Variants in GPC5 observed in about 807,000 individuals in gnomAD.
GPC5 encodes the protein glypican 5.
A neutral mutation model predicts 53.9 loss-of-function variants in GPC5; 47 were observed. The observed-to-expected ratio is 0.87, with a 90% CI of 0.69 to 1.11. The LOEUF is 1.11. Among genes scored for constraint, GPC5 ranks in the 50% most tolerant of loss-of-function variants. The probability of loss-of-function intolerance (pLI) is 0.00; values close to 1 mark genes in which losing one functional copy is unlikely to be tolerated. For synonymous variants in GPC5, 286 were observed against 263.3 expected, an observed-to-expected ratio of 1.09 and a Z score of -0.84; for missense variants, 748 against 713.1, an observed-to-expected ratio of 1.05 and a Z score of -0.56.
At chr13:92,506,195 T>A (rs961397315) in intron 7 of GPC5, among the ~76,000 whole-genome samples, 1 of 152,118 alleles carries the variant, frequency 6.6e-6, no homozygotes, top group Non-Finnish European at 1.5e-5. Flanking sequence ...GCTTGGAAGA[T>A]GAGCTGCATG....
At chr13:91,906,154 T>C (rs1196655105) in intron 5 of GPC5, among the ~76,000 whole-genome samples, 1 of 152,026 alleles carries the variant, frequency 6.6e-6, no homozygotes, top group Non-Finnish European at 1.5e-5. Context: ...TTTCCACCAT[T>C]TGTACTCTCT....
chr13:91,717,157 A>G (rs2036356162), intron 3 of GPC5, among the ~76,000 whole-genome samples: 1 of 152,234 alleles, frequency 6.6e-6, no homozygotes, highest in Non-Finnish European at 1.5e-5. Context: ...GCAAGGAGAA[A>G]AAAAGAAAAG....
intron 7 of GPC5, among the ~76,000 whole-genome samples, chr13:92,620,079 A>T (rs1198882593): frequency 6.6e-6 from 1 of 152,112 alleles, no homozygotes; most frequent in East Asian, 1.9e-4. Context: ...GGTTTAGAGG[A>T]TGAACAATGA....
chr13:92,062,006 A>C (rs1217756091), intron 6 of GPC5, among the ~76,000 whole-genome samples: 1 of 152,010 alleles, frequency 6.6e-6, no homozygotes, highest in Non-Finnish European at 1.5e-5. Flanking sequence ...TTTTCAAGTA[A>C]TGACATCCAT....
intron 6 of GPC5, among the ~76,000 whole-genome samples, chr13:91,952,637 G>A (rs1359953166): frequency 6.6e-6 from 1 of 152,142 alleles, no homozygotes; most frequent in Non-Finnish European, 1.5e-5. Flanking sequence ...TGCTTGAGAA[G>A]TGTAGGAATA....
Position 92,325,542 on chromosome 13 carries a change from C to A in GPC5, c.1561+180553C>A, listed in dbSNP as rs74110204. Among the ~76,000 whole-genome samples, 1,509 of 152,008 alleles carry A rather than the reference C, an allele frequency of 9.9e-3. 19 individuals are homozygous for A. Among genetic ancestry groups the A allele is most frequent in the African/African-American group, 0.034 (1,408 of 41,480 alleles). On this transcript the variant is annotated intron_variant, in intron 7 of 7. Transcript: ENST00000377067. ...GATGATTGTATTCACTGTGGTGGAG[C>A]ATATCAAGAGGAGAAACAGAGAAGA...
intron 6 of GPC5, among the ~76,000 whole-genome samples, chr13:92,031,736 T>TTA (rs1555305669): frequency 1.5e-5 from 1 of 65,092 alleles, no homozygotes; most frequent in Non-Finnish European, 2.8e-5. Flanking sequence ...ATATTACATA[T>TTA]TATATATAAT....
chr13:92,200,997 ACACACACACACACG>A (rs1441497525), intron 7 of GPC5, among the ~76,000 whole-genome samples: 1 of 151,408 alleles, frequency 6.6e-6, no homozygotes, highest in African/African-American at 2.4e-5. Flanking sequence ...ACACACACAC[ACACACACACACACG>A]CACACACACG....
At chr13:92,493,239 G>A (rs377523822) in intron 7 of GPC5, among the ~76,000 whole-genome samples, 3 of 152,246 alleles carry the variant, frequency 2.0e-5, no homozygotes, top group South Asian at 4.1e-4. Flanking sequence ...GCATTAAAGA[G>A]GGACAAGCAT....
At chr13:91,815,548 A>G (rs2038386634) in intron 5 of GPC5, among the ~76,000 whole-genome samples, 1 of 152,224 alleles carries the variant, frequency 6.6e-6, no homozygotes, top group Non-Finnish European at 1.5e-5. Context: ...CCCCAGGCAC[A>G]TAAATCATCT....
intron 7 of GPC5, among the ~76,000 whole-genome samples, chr13:92,541,693 C>T (rs1881935992): frequency 1.3e-5 from 2 of 151,944 alleles, no homozygotes; most frequent in Admixed American, 1.3e-4. Flanking sequence ...ATGACCATCC[C>T]AGCCTCATGA....
rs550211274 is a variant in GPC5, at chr13:92,089,848, C to A, written c.1402-54982C>A. ...ATTCTTCAGAGATAAATGTACTTGG[C>A]TCAAATTTAATCATGTTACAATGCA... On this transcript the variant is annotated intron_variant, in intron 6 of 7. Coordinates refer to ENST00000377067, the MANE Select transcript of GPC5 (RefSeq NM_004466.6). 2.0e-5 allele frequency among the ~76,000 whole-genome samples: 3 copies of A among 152,228 alleles called. No homozygotes were observed. The East Asian group carries it at 5.8e-4, about 29-fold the overall frequency.
intron 7 of GPC5, among the ~76,000 whole-genome samples, chr13:92,707,606 G>T (rs1443440980): frequency 6.6e-6 from 1 of 151,404 alleles, no homozygotes; most frequent in Admixed American, 6.6e-5. Context: ...CATAGTGAGA[G>T]AAACACAAAT....
At chr13:91,478,452 A>G (rs1214296692) in intron 2 of GPC5, among the ~76,000 whole-genome samples, 1 of 151,928 alleles carries the variant, frequency 6.6e-6, no homozygotes, top group Non-Finnish European at 1.5e-5. Flanking sequence ...TTATTAGAGC[A>G]TTTTATATAT....
intron 6 of GPC5, among the ~76,000 whole-genome samples, chr13:92,020,804 G>T (rs1343763369): frequency 6.7e-6 from 1 of 149,530 alleles, no homozygotes; most frequent in African/African-American, 2.5e-5. Flanking sequence ...TCTGTTAATT[G>T]CTTCCTCTAC....
chr13:91,534,790 T>C (rs1437776829), intron 2 of GPC5, among the ~76,000 whole-genome samples: 1 of 125,574 alleles, frequency 8.0e-6, no homozygotes, highest in East Asian at 1.9e-4. Context: ...TGTTTGTTTG[T>C]TTGTTTTGTT....
chr13:92,813,003 G>A (rs1002196724), intron 7 of GPC5, among the ~76,000 whole-genome samples: 1 of 151,790 alleles, frequency 6.6e-6, no homozygotes, highest in Non-Finnish European at 1.5e-5. Context: ...AAAATGAAGT[G>A]TATTTTTTAT....
chr13:92,718,109 A>G (rs1042866404), intron 7 of GPC5, among the ~76,000 whole-genome samples: 4 of 152,230 alleles, frequency 2.6e-5, no homozygotes, highest in Admixed American at 2.6e-4. Flanking sequence ...GTGGGAATGT[A>G]AATTAGCACA....
At chr13:91,970,623 A>C (rs2040232692) in intron 6 of GPC5, among the ~76,000 whole-genome samples, 2 of 152,112 alleles carry the variant, frequency 1.3e-5, no homozygotes, top group African/African-American at 4.8e-5. Flanking sequence ...TAATAAAAGC[A>C]AAAAAATAGT....
Sources: allele counts gnomAD v4.1 joint callset (sites outside exome capture counted in the v4.1 genomes callset), GRCh38; gene constraint gnomAD v4.1.1; transcripts MANE v1.5; gene names NCBI Gene and HGNC (gene_info 2026-07-23, HGNC 2026-07-21).